The following KCNJ16 variants were observed in gnomAD, a reference collection of about 807,000 sequenced individuals.
The protein encoded by KCNJ16 is inward rectifier potassium channel 16.
KCNJ16 carries 15 observed loss-of-function variants against 18.5 expected under a neutral mutation model. The ratio of observed to expected loss-of-function variants is 0.81; its 90% confidence interval spans 0.54 to 1.25. The LOEUF (loss-of-function observed/expected upper bound fraction) is 1.25. Ranked by LOEUF, KCNJ16 falls within the 50% of genes most tolerant of loss-of-function variation. The pLI, the probability that KCNJ16 is intolerant of heterozygous loss-of-function variation, is 0.00. For missense variants in KCNJ16, 523 were observed against 525.7 expected (o/e 0.99, Z 0.05); for synonymous variants, 174 against 186.5 (o/e 0.93, Z 0.55).
intron 2 of KCNJ16, chr17:70,104,739 T>C (rs1302730727): frequency 6.6e-6 from 1 of 152,500 alleles, no homozygotes; most frequent in Non-Finnish European, 1.5e-5. Flanking sequence ...TAAATAGGCA[T>C]GGAAGAAGGC....
At chr17:70,076,866 T>C (rs1296873149) in intron 1 of KCNJ16, among the ~76,000 whole-genome samples, 1 of 152,190 alleles carries the variant, frequency 6.6e-6, no homozygotes, top group Non-Finnish European at 1.5e-5. Flanking sequence ...TTTTCTTTGT[T>C]AAATTAGTAA....
chr17:70,115,139 A>G (rs1005243703), intron 2 of KCNJ16, among the ~76,000 whole-genome samples: 9 of 152,276 alleles, frequency 5.9e-5, no homozygotes, highest in African/African-American at 1.9e-4. Context: ...TAAGGTCTCA[A>G]TCTTCAAAAT....
Position 70,092,525 on chromosome 17 carries a change from CATAGACAGATAGATATAGATAGAT to C in KCNJ16, c.-299-8127_-299-8104del, listed in dbSNP as rs200507085. ...AGATAGATAGATAGATAGATAGATA[CATAGACAGATAGATATAGATAGAT>C]ATAGATAGATGATAGATATAGATAG... On this transcript the variant is annotated intron_variant, in intron 1 of 3. Transcript: ENST00000392671. Among the ~76,000 whole-genome samples, 104 of 82,496 alleles carry C rather than the reference CATAGACAGATAGATATAGATAGAT, an allele frequency of 1.3e-3. 2 individuals are homozygous for C. Among genetic ancestry groups the C allele is most frequent in the African/African-American group, 5.5e-3 (99 of 18,024 alleles). The allele number at this position is 82,496 out of a possible 152,430, so 54.1% of individuals were successfully genotyped here.
intron 1 of KCNJ16, among the ~76,000 whole-genome samples, chr17:70,094,939 G>GT (rs2072286351): frequency 6.6e-6 from 1 of 152,106 alleles, no homozygotes. Context: ...GTCACAGTAG[G>GT]TTTTATTAAG....
intron 2 of KCNJ16, among the ~76,000 whole-genome samples, chr17:70,116,515 G>C (rs945142167): frequency 1.3e-5 from 2 of 152,110 alleles, no homozygotes; most frequent in African/African-American, 4.8e-5. Flanking sequence ...CTTACCTCCA[G>C]AAATAGTTCA....
intron 2 of KCNJ16, among the ~76,000 whole-genome samples, chr17:70,122,693 G>A (rs1370517177): frequency 6.6e-6 from 1 of 152,178 alleles, no homozygotes; most frequent in African/African-American, 2.4e-5. Flanking sequence ...CTCAGAGACT[G>A]CCTCGTAGGG....
intron 1 of KCNJ16, among the ~76,000 whole-genome samples, chr17:70,086,169 C>T (rs1385195217): frequency 6.6e-6 from 1 of 152,082 alleles, no homozygotes; most frequent in East Asian, 1.9e-4. Context: ...AGAAATACTG[C>T]TCTTGATATG....
rs200367201 is a variant in KCNJ16, at chr17:70,132,735, T to C, written c.648T>C (p.Val216=). ...CAAACCACGTGGTAGAAGGAACAGT[T>C]AGAGCCCAACTTCTCCGCTATACAG... ...FRPNHVVEGT[V]RAQLLRYTED... The change falls in exon 4 of 4, where the codon GTT becomes GTC. Residue 216 remains valine (V), a synonymous_variant. Transcript: ENST00000392671. 156 of 1,613,906 alleles carry C rather than the reference T, an allele frequency of 9.7e-5. No individual in the cohort carries two copies. The highest frequency in any genetic ancestry group is 3.6e-5 in the Non-Finnish European group (42 of 1,180,040).
chr17:70,125,458 G>A (rs2073819234), intron 2 of KCNJ16, among the ~76,000 whole-genome samples: 1 of 152,080 alleles, frequency 6.6e-6, no homozygotes. Flanking sequence ...TGCCAGTGGA[G>A]CACCCTTTGA....
intron 1 of KCNJ16, among the ~76,000 whole-genome samples, chr17:70,075,619 A>AAAAGTAGTCTCT (rs2071272236): frequency 6.6e-6 from 1 of 152,180 alleles, no homozygotes; most frequent in African/African-American, 2.4e-5. Flanking sequence ...AAGTAGTCTC[A>AAAAGTAGTCTCT]CATTGGTGTT....
intron 3 of KCNJ16, chr17:70,131,339 T>C (rs1567808410): frequency 9.4e-7 from 1 of 1,069,416 alleles, no homozygotes; most frequent in African/African-American, 1.7e-5. Context: ...CATTTTTTTT[T>C]CTTTTCTTTC....
At chr17:70,120,937 T>C (rs1242194562) in intron 2 of KCNJ16, among the ~76,000 whole-genome samples, 2 of 152,196 alleles carry the variant, frequency 1.3e-5, no homozygotes, top group Non-Finnish European at 2.9e-5. Flanking sequence ...CCAGTTAGAC[T>C]TAAAAGCTTA....
At chr17:70,131,227 A>G (rs1485208723) in intron 3 of KCNJ16, 13 of 778,688 alleles carry the variant, frequency 1.7e-5, no homozygotes, top group Admixed American at 3.5e-5. Context: ...AGAAAAGAAA[A>G]AAAAAAGGAT....
chr17:70,087,253 A>G (rs1048468907), intron 1 of KCNJ16, among the ~76,000 whole-genome samples: 1 of 152,128 alleles, frequency 6.6e-6, no homozygotes, highest in Non-Finnish European at 1.5e-5. Context: ...TATTATGGCA[A>G]TAGGAATACT....
rs2074109697 is a variant in KCNJ16 at position 70,132,864 on chromosome 17, T to C, written c.777T>C (p.His259=). The change falls in exon 4 of 4, where the codon CAT becomes CAC. Residue 259 remains histidine (H), a synonymous_variant. Coordinates refer to ENST00000392671, the MANE Select transcript of KCNJ16 (RefSeq NM_170741.4). ...TAACTATTGTCCATGAAATTGACCA[T>C]GAGAGCCCTCTGTATGCCCTTGACC... ...TPVTIVHEID[H]ESPLYALDRK... is the part of the protein sequence containing the mutation. The C allele has an allele frequency of 1.2e-6, 2 of 1,614,008 alleles. No individual in the cohort carries two copies. Among genetic ancestry groups the C allele is most frequent in the South Asian group, 2.2e-5 (2 of 91,092 alleles).
At chr17:70,087,751 G>A (rs6501363) in intron 1 of KCNJ16, among the ~76,000 whole-genome samples, 129,865 of 151,996 alleles carry the variant, frequency 0.85, 55,577 homozygotes, top group East Asian at 0.99. Context: ...GATGTAAAAG[G>A]CTTAAGTTCC....
chr17:70,130,688 T>C (rs528513363), intron 2 of KCNJ16, among the ~76,000 whole-genome samples, 191 bp from the exon 3 acceptor site: 1 of 152,176 alleles, frequency 6.6e-6, no homozygotes, highest in East Asian at 1.9e-4. Context: ...TTCCAAGGGG[T>C]CTTTATGTCA....
At chr17:70,094,431 A>T (rs2072259650) in intron 1 of KCNJ16, among the ~76,000 whole-genome samples, 1 of 152,228 alleles carries the variant, frequency 6.6e-6, no homozygotes, top group Non-Finnish European at 1.5e-5. Flanking sequence ...ACATGAAGAA[A>T]ACAGTAGTAA....
At chr17:70,090,503 C>A (rs897433698) in intron 1 of KCNJ16, among the ~76,000 whole-genome samples, 1 of 152,122 alleles carries the variant, frequency 6.6e-6, no homozygotes, top group Non-Finnish European at 1.5e-5. Flanking sequence ...GAATGTGTTG[C>A]CAATTCATTG....
Sources: gnomAD v4.1 joint callset for allele counts (sites outside exome capture counted in the v4.1 genomes callset) on GRCh38, gnomAD v4.1.1 for gene constraint, MANE v1.5 for transcripts, NCBI Gene and HGNC (gene_info 2026-07-23, HGNC 2026-07-21) for gene names.